TENM1: variants seen among roughly 807,000 people sequenced by gnomAD.
TENM1 encodes teneurin-1.
Under a neutral mutation model 174.8 loss-of-function variants are expected in TENM1, and 35 were observed. That is an observed-to-expected ratio of 0.20 (90% confidence interval 0.15 to 0.27). TENM1 has a LOEUF of 0.27. Among genes scored for constraint, TENM1 ranks in the 10% least tolerant of loss-of-function variants. TENM1 has a pLI of 1.00. For missense variants in TENM1, 1,633 were observed against 2,130.1 expected, an observed-to-expected ratio of 0.77 and a Z score of 4.59; for synonymous variants, 781 against 798.7, an observed-to-expected ratio of 0.98 and a Z score of 0.37.
intron 3 of TENM1, among the ~76,000 whole-genome samples, chrX:124,874,276 A>C (rs902169433): frequency 8.9e-6 from 1 of 111,747 alleles, no homozygotes; most frequent in African/African-American, 3.2e-5. Flanking sequence ...GTATGTTATA[A>C]AATTTTAATT....
chrX:125,061,683 G>A, the TENM1 span, among the ~76,000 whole-genome samples: 1 of 111,987 alleles, frequency 8.9e-6, no homozygotes, highest in Non-Finnish European at 1.9e-5. Flanking sequence ...CTGGGAGGTC[G>A]AGGCGGGCAG....
the TENM1 span, among the ~76,000 whole-genome samples, chrX:125,002,501 G>A: frequency 9.0e-6 from 1 of 110,760 alleles, no homozygotes; most frequent in East Asian, 2.9e-4. Context: ...ATCTAGGGTC[G>A]TTTCCTGCTT....
chrX:125,151,392 G>A, the TENM1 span, among the ~76,000 whole-genome samples: 1 of 111,961 alleles, frequency 8.9e-6, no homozygotes, highest in South Asian at 3.7e-4. Context: ...AAATGACACA[G>A]ATGAACTGTT....
intron 1 of TENM1, among the ~76,000 whole-genome samples, chrX:124,896,685 T>C (rs1453772606): frequency 1.8e-5 from 2 of 111,987 alleles, no homozygotes; most frequent in African/African-American, 6.5e-5. Context: ...GAATAAATAA[T>C]TCAATGTGAA....
At chrX:124,803,474 G>A (rs374280483) in intron 3 of TENM1, among the ~76,000 whole-genome samples, 2 of 111,895 alleles carry the variant, frequency 1.8e-5, no homozygotes, top group East Asian at 5.6e-4. Flanking sequence ...AAGCTTCAGT[G>A]GAAATGCTGC....
chrX:124,650,729 A>G (rs2051284616), intron 8 of TENM1, among the ~76,000 whole-genome samples: 1 of 111,830 alleles, frequency 8.9e-6, no homozygotes, highest in Non-Finnish European at 1.9e-5. Flanking sequence ...CATCCATTGA[A>G]CCTGCCCCAC....
chrX:125,161,513 G>T, the TENM1 span, among the ~76,000 whole-genome samples: 3,640 of 111,517 alleles, frequency 0.033, 138 homozygotes, highest in African/African-American at 0.11. Context: ...AAAACATTAT[G>T]CTTAATGAAA....
chrX:124,645,126 T>TA lies in TENM1; in HGVS notation c.1876+16dup. 1.7e-6 allele frequency: 2 copies of TA among 1,200,309 alleles called. No homozygotes were observed. Among genetic ancestry groups the TA allele is most frequent in the Non-Finnish European group, 2.3e-6 (2 of 886,855 alleles). On this transcript the variant is annotated intron_variant, in intron 10 of 31. Coordinates refer to ENST00000422452, the Ensembl canonical transcript of TENM1. ...GAGAGAAAAGCCTGAAGCAATAGAT[T>TA]AAAATGGGATTCTGACCTTCCTCGC...
chrX:125,009,151 T>G, the TENM1 span, among the ~76,000 whole-genome samples: 2,381 of 83,936 alleles, frequency 0.028, 91 homozygotes, highest in African/African-American at 0.1. Flanking sequence ...GACTAATAAA[T>G]AAGGAAAGAG....
chrX:124,982,737 T>A, the TENM1 span, among the ~76,000 whole-genome samples: 1 of 112,109 alleles, frequency 8.9e-6, no homozygotes, highest in Admixed American at 9.5e-5. Flanking sequence ...CTCAATCTTA[T>A]TCATTTAGTA....
intron 3 of TENM1, among the ~76,000 whole-genome samples, chrX:124,760,232 CA>C (rs753390977): frequency 4.1e-4 from 46 of 111,558 alleles, no homozygotes; most frequent in Non-Finnish European, 7.9e-4. Flanking sequence ...TTCCACTCCT[CA>C]CCCTTCTATG....
the TENM1 span, among the ~76,000 whole-genome samples, chrX:125,057,289 C>T: frequency 9.1e-6 from 1 of 110,196 alleles, no homozygotes; most frequent in Non-Finnish European, 1.9e-5. Context: ...GTCAAGTGAC[C>T]GGGGTGGGCA....
chrX:124,862,275 T>C (rs2056925552), intron 3 of TENM1, among the ~76,000 whole-genome samples: 1 of 111,789 alleles, frequency 8.9e-6, no homozygotes, highest in South Asian at 3.7e-4. Context: ...CAGCTATCTA[T>C]GTAGAAAAAA....
At chrX:125,098,789 G>T in the TENM1 span, among the ~76,000 whole-genome samples, 1 of 111,447 alleles carries the variant, frequency 9.0e-6, no homozygotes, top group East Asian at 2.8e-4. Context: ...TCGTGTACAG[G>T]GTAACAGCAA....
chrX:124,581,509 T>C (rs113118000), intron 11 of TENM1, among the ~76,000 whole-genome samples: 5,495 of 112,184 alleles, frequency 0.049, 175 homozygotes, highest in African/African-American at 0.11. Context: ...TGCAAGTGGA[T>C]GTGTCTTTTT....
At chrX:124,815,583 CAG>C (rs1294045117) in intron 3 of TENM1, among the ~76,000 whole-genome samples, 1 of 111,322 alleles carries the variant, frequency 9.0e-6, no homozygotes, top group Non-Finnish European at 1.9e-5. Flanking sequence ...AGAAGCAAAA[CAG>C]ATTCTATTTT....
rs2049315686 is a variant in TENM1, at chrX:124,581,686, G to A, written c.2078-16126C>T. On this transcript the variant is annotated intron_variant, in intron 11 of 31. Coordinates refer to ENST00000422452, the Ensembl canonical transcript of TENM1. Reference sequence around the variant, plus strand: ...GGATAAGTGTTCCTTTTTCTTCACAGCCTCACTAGCATCTGTTATTTTTTT... The same window carrying A: ...GGATAAGTGTTCCTTTTTCTTCACAACCTCACTAGCATCTGTTATTTTTTT... Among the ~76,000 whole-genome samples the A allele has an allele frequency of 4.7e-5, 5 of 106,694 alleles. 1 individual carries two copies. In the South Asian group the frequency reaches 2.3e-3, roughly 48 times the overall value. The allele number at this position is 106,694 out of a possible 115,157, so 92.7% of individuals were successfully genotyped here.
chrX:124,979,359 A>G, the TENM1 span, among the ~76,000 whole-genome samples: 1 of 112,087 alleles, frequency 8.9e-6, no homozygotes, highest in Admixed American at 9.5e-5. Flanking sequence ...ATTAGACTAC[A>G]GTCAGAAGTT....
chrX:124,651,642 G>T, intron 8 of TENM1, among the ~76,000 whole-genome samples: 1 of 110,840 alleles, frequency 9.0e-6, no homozygotes, highest in African/African-American at 3.3e-5. Context: ...TATTACTAAG[G>T]TAATTATTTC....
Sources: allele counts gnomAD v4.1 joint callset (sites outside exome capture counted in the v4.1 genomes callset), GRCh38; gene constraint gnomAD v4.1.1; transcripts MANE v1.5; gene names NCBI Gene and HGNC (gene_info 2026-07-23, HGNC 2026-07-21).